Variants in ETV6 observed in about 807,000 individuals in gnomAD.
ETV6 encodes transcription factor ETV6.
In ETV6, 16 loss-of-function variants were observed where a neutral mutation model predicts 51.1. The ratio of observed to expected loss-of-function variants is 0.31; its 90% CI spans 0.21 to 0.48. ETV6 has a LOEUF of 0.48. Ranked by LOEUF, ETV6 falls within the 20% of genes least tolerant of loss-of-function variation. ETV6 has a pLI of 0.99. For synonymous variants in ETV6, 240 were observed against 224.1 expected, an observed-to-expected ratio of 1.07 and a Z score of -0.64; for missense variants, 458 against 594.8, an observed-to-expected ratio of 0.77 and a Z score of 2.39.
At chr12:11,868,044 GGGA>G (rs1456467894) in intron 4 of ETV6, among the ~76,000 whole-genome samples, 2 of 152,156 alleles carry the variant, frequency 1.3e-5, no homozygotes. Flanking sequence ...AACTTTGAGT[GGGA>G]TGAGTTAGAG....
intron 3 of ETV6, among the ~76,000 whole-genome samples, chr12:11,845,119 G>C (rs1229751259): frequency 6.6e-6 from 1 of 152,170 alleles, no homozygotes; most frequent in Non-Finnish European, 1.5e-5. Flanking sequence ...GTGAGCTACT[G>C]CACCCGGCCA....
intron 2 of ETV6, among the ~76,000 whole-genome samples, chr12:11,792,686 C>A (rs74867149): frequency 2.3e-4 from 33 of 145,438 alleles, no homozygotes; most frequent in African/African-American, 1.5e-4. Flanking sequence ...GATTCCATCT[C>A]AAAAAAAAAA....
At chr12:11,871,085 A>T (rs1006822350) in intron 5 of ETV6, among the ~76,000 whole-genome samples, 1 of 152,000 alleles carries the variant, frequency 6.6e-6, no homozygotes, top group Non-Finnish European at 1.5e-5. Flanking sequence ...CTCCTCCCTG[A>T]GCCCATGACC....
intron 1 of ETV6, among the ~76,000 whole-genome samples, chr12:11,723,696 T>C (rs1865436314): frequency 6.6e-6 from 1 of 151,948 alleles, no homozygotes; most frequent in East Asian, 1.9e-4. Context: ...CTTTGTCCTA[T>C]CCTGGCCTCT....
At chr12:11,683,090 C>G (rs540389883) in intron 1 of ETV6, among the ~76,000 whole-genome samples, 1 of 152,342 alleles carries the variant, frequency 6.6e-6, no homozygotes, top group East Asian at 1.9e-4. Flanking sequence ...GAATCGCTCT[C>G]TCGCCCAGGC....
chr12:11,865,277 A>C (rs1946776360), intron 4 of ETV6, among the ~76,000 whole-genome samples: 1 of 151,598 alleles, frequency 6.6e-6, no homozygotes, highest in Non-Finnish European at 1.5e-5. Flanking sequence ...AAATAGTGTC[A>C]ACATAGGTCT....
At chr12:11,751,390 T>A (rs564709108) in intron 1 of ETV6, 1 of 518,862 alleles carries the variant, frequency 1.9e-6, no homozygotes, top group Non-Finnish European at 3.8e-6. Context: ...TTCCACCATA[T>A]TTTTGGATGT....
intron 1 of ETV6, among the ~76,000 whole-genome samples, chr12:11,735,086 CTTTTTTTTTTTT>C (rs58797937): frequency 1.0e-4 from 8 of 76,230 alleles, no homozygotes; most frequent in Middle Eastern, 0.016. Context: ...GCAAGGTGGC[CTTTTTTTTTTTT>C]TTTTTTTTTT....
intron 1 of ETV6, among the ~76,000 whole-genome samples, chr12:11,663,731 G>T (rs1426124314): frequency 3.4e-5 from 5 of 149,210 alleles, no homozygotes; most frequent in African/African-American, 5.0e-5. Flanking sequence ...GAGATAGTTT[G>T]CCTGTGGTGT....
chr12:11,846,001 A>AAG (rs1432031780), intron 3 of ETV6, among the ~76,000 whole-genome samples: 1 of 151,876 alleles, frequency 6.6e-6, no homozygotes, highest in Non-Finnish European at 1.5e-5. Flanking sequence ...CAAAAAAAAA[A>AAG]AAAAGAAAAA....
At chr12:11,778,053 C>T (rs11833885) in intron 2 of ETV6, among the ~76,000 whole-genome samples, 5,509 of 152,194 alleles carry the variant, frequency 0.036, 335 homozygotes, top group African/African-American at 0.12. Flanking sequence ...CCTACGTGAC[C>T]TGGAACTTCT....
At chr12:11,834,089 G>C (rs536148437) in intron 2 of ETV6, among the ~76,000 whole-genome samples, 1 of 152,150 alleles carries the variant, frequency 6.6e-6, no homozygotes, top group Admixed American at 6.6e-5. Context: ...GGTTGGTAAG[G>C]GTCTACAAAC....
chr12:11,728,227 G>C (rs1352151987), intron 1 of ETV6, among the ~76,000 whole-genome samples: 1 of 152,220 alleles, frequency 6.6e-6, no homozygotes. Flanking sequence ...ATTCGGCACA[G>C]AGGAGTAAAT....
At chr12:11,677,460 C>G (rs1216456144) in intron 1 of ETV6, among the ~76,000 whole-genome samples, 1 of 152,204 alleles carries the variant, frequency 6.6e-6, no homozygotes, top group East Asian at 1.9e-4. Context: ...AATGACGGCA[C>G]TGCACTAAGA....
intron 3 of ETV6, among the ~76,000 whole-genome samples, chr12:11,847,074 G>A (rs1372216006): frequency 6.6e-6 from 1 of 152,150 alleles, no homozygotes; most frequent in Non-Finnish European, 1.5e-5. Context: ...CATCTGTTGG[G>A]CTGCAGTCTA....
chr12:11,835,103 A>G (rs539396326), intron 2 of ETV6, among the ~76,000 whole-genome samples: 1 of 152,250 alleles, frequency 6.6e-6, no homozygotes, highest in South Asian at 2.1e-4. Context: ...AAGTAAGTTT[A>G]AGGGCCTGGG....
At chr12:11,737,336 G>A (rs1865723020) in intron 1 of ETV6, among the ~76,000 whole-genome samples, 1 of 152,212 alleles carries the variant, frequency 6.6e-6, no homozygotes, top group South Asian at 2.1e-4. Context: ...ACTGAATTTA[G>A]ACTCTGCACG....
At chr12:11,657,836 A>C (rs761303337) in intron 1 of ETV6, among the ~76,000 whole-genome samples, 1 of 152,132 alleles carries the variant, frequency 6.6e-6, no homozygotes, top group Non-Finnish European at 1.5e-5. Flanking sequence ...CTTCTGTCTT[A>C]TGTTGTTCTT....
At chr12:11,879,827 G>A (rs886478418) in intron 5 of ETV6, among the ~76,000 whole-genome samples, 15 of 151,904 alleles carry the variant, frequency 9.9e-5, no homozygotes, top group African/African-American at 3.1e-4. Context: ...AGTGTGTTGC[G>A]CTTTATTATA....
Sources: gnomAD v4.1 joint callset for allele counts (sites outside exome capture counted in the v4.1 genomes callset) on GRCh38, gnomAD v4.1.1 for gene constraint, MANE v1.5 for transcripts, NCBI Gene and HGNC (gene_info 2026-07-23, HGNC 2026-07-21) for gene names.